Variants in ROBO1 observed in about 807,000 individuals in gnomAD.
ROBO1 encodes roundabout homolog 1.
Under a neutral mutation model 195.9 loss-of-function variants are expected in ROBO1, and 149 were observed. The ratio of observed to expected loss-of-function variants is 0.76; its 90% CI spans 0.67 to 0.87. The LOEUF (loss-of-function observed/expected upper bound fraction) is 0.87, where lower values mean the gene tolerates loss of function less well. Among genes scored for constraint, ROBO1 ranks in the 40% least tolerant of loss-of-function variants. The pLI is 0.00. For missense variants in ROBO1, 1,933 were observed against 2,068.3 expected, an observed-to-expected ratio of 0.93 and a Z score of 1.27; for synonymous variants, 816 against 733.2, an observed-to-expected ratio of 1.11 and a Z score of -1.82.
chr3:79,021,439 G>A (rs936614054), intron 3 of ROBO1, among the ~76,000 whole-genome samples: 9 of 151,942 alleles, frequency 5.9e-5, no homozygotes, highest in African/African-American at 1.7e-4. Flanking sequence ...CTTAGTAATG[G>A]GGGTATACTT....
At chr3:78,950,733 C>T (rs2040734167) in intron 3 of ROBO1, among the ~76,000 whole-genome samples, 1 of 150,956 alleles carries the variant, frequency 6.6e-6, no homozygotes, top group African/African-American at 2.4e-5. Flanking sequence ...AACCTGTTGA[C>T]TCTGTTGTGC....
chr3:78,928,844 C>T (rs2039354314), intron 4 of ROBO1, among the ~76,000 whole-genome samples: 1 of 152,034 alleles, frequency 6.6e-6, no homozygotes, highest in African/African-American at 2.4e-5. Flanking sequence ...GCTCTTAATC[C>T]ATTTTTCTGG....
At chr3:78,638,319 A>T (rs988162151) in intron 22 of ROBO1, among the ~76,000 whole-genome samples, 13 of 150,324 alleles carry the variant, frequency 8.6e-5, no homozygotes. Flanking sequence ...ATGTGTGTAT[A>T]TATATACACA....
intron 2 of ROBO1, among the ~76,000 whole-genome samples, chr3:79,199,201 C>T (rs1393176196): frequency 6.6e-6 from 1 of 151,358 alleles, no homozygotes. Flanking sequence ...ATAAAAAATC[C>T]ATGCAAAATT....
At chr3:79,083,152 T>C (rs375539143) in intron 3 of ROBO1, among the ~76,000 whole-genome samples, 1 of 152,054 alleles carries the variant, frequency 6.6e-6, no homozygotes, top group Non-Finnish European at 1.5e-5. Flanking sequence ...GCTGAGACCA[T>C]GCCGCTGCAC....
intron 4 of ROBO1, among the ~76,000 whole-genome samples, chr3:78,890,021 C>A (rs1371859828): frequency 6.6e-6 from 1 of 151,960 alleles, no homozygotes; most frequent in Non-Finnish European, 1.5e-5. Flanking sequence ...ACTCCCTATG[C>A]CCTCTTACTC....
In ROBO1 at chr3:79,278,270, T is replaced by C. The variant is rs368617825; in HGVS notation, c.89-152731A>G. On this transcript the variant is annotated intron_variant, in intron 2 of 30. Coordinates refer to ENST00000464233, the MANE Select transcript of ROBO1 (RefSeq NM_002941.4). ...GAATCTACAGATTCAATGTAATCTC[T>C]ATCAACATACTAATGGCATTCTTCA... Among the ~76,000 whole-genome samples, 334 of 152,254 alleles carry C rather than the reference T, an allele frequency of 2.2e-3. 1 individual carries two copies. Among genetic ancestry groups the C allele is most frequent in the African/African-American group, 7.0e-3 (292 of 41,552 alleles).
At chr3:79,391,480 T>C (rs1467671062) in intron 2 of ROBO1, among the ~76,000 whole-genome samples, 2 of 152,106 alleles carry the variant, frequency 1.3e-5, no homozygotes, top group East Asian at 3.9e-4. Context: ...CCTAATTCAA[T>C]TATAAAGTAA....
intron 4 of ROBO1, among the ~76,000 whole-genome samples, chr3:78,807,895 T>C (rs948980340): frequency 3.2e-5 from 4 of 125,260 alleles, no homozygotes; most frequent in African/African-American, 1.2e-4. Flanking sequence ...GCATTCTTAT[T>C]AGCATTAATA....
chr3:79,671,008 A>G (rs1334053714), intron 1 of ROBO1, among the ~76,000 whole-genome samples: 1 of 151,840 alleles, frequency 6.6e-6, no homozygotes, highest in Non-Finnish European at 1.5e-5. Context: ...GCTTCGTTTT[A>G]TATCATGGGT....
chr3:79,218,087 T>C (rs1361530091), intron 2 of ROBO1, among the ~76,000 whole-genome samples: 1 of 152,010 alleles, frequency 6.6e-6, no homozygotes, highest in Non-Finnish European at 1.5e-5. Flanking sequence ...GCTATGTAGA[T>C]ACTAAAATCT....
At chr3:79,722,104 C>T (rs954066641) in intron 1 of ROBO1, among the ~76,000 whole-genome samples, 1 of 152,044 alleles carries the variant, frequency 6.6e-6, no homozygotes. Flanking sequence ...AAAGGTACTA[C>T]AGGAAACAGA....
At chr3:79,210,071 T>C (rs1011918203) in intron 2 of ROBO1, among the ~76,000 whole-genome samples, 6 of 152,026 alleles carry the variant, frequency 3.9e-5, no homozygotes, top group Non-Finnish European at 8.8e-5. Flanking sequence ...CACAAACAAA[T>C]GGAAACACAT....
intron 2 of ROBO1, among the ~76,000 whole-genome samples, chr3:79,307,559 T>G (rs992155228): frequency 6.6e-6 from 1 of 152,162 alleles, no homozygotes; most frequent in Non-Finnish European, 1.5e-5. Context: ...ATAAGCTTGT[T>G]ACAATTATTT....
At chr3:79,305,782 T>G (rs1209211528) in intron 2 of ROBO1, among the ~76,000 whole-genome samples, 3 of 152,186 alleles carry the variant, frequency 2.0e-5, no homozygotes, top group South Asian at 2.1e-4. Flanking sequence ...ACTGTTCTAC[T>G]ATTACTGTGG....
At chr3:78,804,632 T>C (rs1248872808) in intron 4 of ROBO1, among the ~76,000 whole-genome samples, 1 of 151,748 alleles carries the variant, frequency 6.6e-6, no homozygotes, top group Non-Finnish European at 1.5e-5. Flanking sequence ...AATAAAGTTA[T>C]TGGGCAGACT....
At chr3:79,596,391 G>T (rs984416115) in intron 1 of ROBO1, among the ~76,000 whole-genome samples, 3 of 151,994 alleles carry the variant, frequency 2.0e-5, no homozygotes, top group African/African-American at 7.2e-5. Flanking sequence ...AGTGGGAAGA[G>T]GATCAGGCTT....
intron 1 of ROBO1, among the ~76,000 whole-genome samples, chr3:79,633,919 C>T (rs905589669): frequency 2.6e-5 from 4 of 151,892 alleles, no homozygotes; most frequent in Non-Finnish European, 5.9e-5. Context: ...AAGGACAGGA[C>T]CTGCAGCAGA....
chr3:79,121,045 A>T (rs2080106873), intron 3 of ROBO1, among the ~76,000 whole-genome samples: 1 of 152,140 alleles, frequency 6.6e-6, no homozygotes, highest in South Asian at 2.1e-4. Context: ...GATGTGATTA[A>T]TTTTGAACTA....
Sources: gnomAD v4.1 joint callset for allele counts (sites outside exome capture counted in the v4.1 genomes callset) on GRCh38, gnomAD v4.1.1 for gene constraint, MANE v1.5 for transcripts, NCBI Gene and HGNC (gene_info 2026-07-23, HGNC 2026-07-21) for gene names.